CCDC171: variants seen among roughly 807,000 people sequenced by gnomAD.
CCDC171 encodes coiled-coil domain-containing protein 171.
CCDC171 carries 177 observed loss-of-function variants against 168.2 expected under a neutral mutation model. The ratio of observed to expected loss-of-function variants is 1.05; its 90% CI spans 0.93 to 1.19. The LOEUF (loss-of-function observed/expected upper bound fraction) is 1.19, where lower values mean the gene tolerates loss of function less well. CCDC171 is among the 50% of genes most tolerant of loss of function. The pLI is 0.00. For missense variants in CCDC171, 1,991 were observed against 1,539.0 expected (o/e 1.29, Z -4.91); for synonymous variants, 687 against 540.8 (o/e 1.27, Z -3.75).
intron 18 of CCDC171, among the ~76,000 whole-genome samples, chr9:15,759,823 T>C (rs1288519765): frequency 6.6e-6 from 1 of 152,210 alleles, no homozygotes; most frequent in Non-Finnish European, 1.5e-5. Context: ...TAGAGAATGA[T>C]TTTTAATTTC....
intron 25 of CCDC171, among the ~76,000 whole-genome samples, chr9:15,950,055 C>T (rs1349415026): frequency 6.6e-5 from 10 of 151,866 alleles, no homozygotes; most frequent in Admixed American, 1.3e-4. Flanking sequence ...TGAAATGAAG[C>T]GAGAAGGGAA....
intron 2 of CCDC171, among the ~76,000 whole-genome samples, chr9:15,570,734 G>C (rs1000006938): frequency 1.3e-5 from 2 of 152,158 alleles, no homozygotes; most frequent in Non-Finnish European, 2.9e-5. Context: ...CATCGTTCTG[G>C]CAAGAACATT....
intron 21 of CCDC171, among the ~76,000 whole-genome samples, chr9:15,817,441 C>T (rs997921188): frequency 8.5e-6 from 1 of 118,168 alleles, no homozygotes; most frequent in African/African-American, 3.2e-5. Flanking sequence ...ATTCCCTTTC[C>T]TAGTCAAAGA....
chr9:15,744,272 G>C lies in CCDC171; in HGVS notation c.2050-1G>C, dbSNP rs1338299645. 9 of 1,572,588 alleles carry C rather than the reference G, an allele frequency of 5.7e-6. No homozygotes were observed. In the South Asian group the frequency reaches 9.5e-5, roughly 17 times the overall value. Reference sequence around the variant, plus strand: ...AATATATTTTTTGACTTCTTCCATAGAAATTTCAAGAAATTGCTGAAAAAA... The same window carrying C: ...AATATATTTTTTGACTTCTTCCATACAAATTTCAAGAAATTGCTGAAAAAA... On this transcript the variant is annotated splice_acceptor_variant, in intron 16 of 25. Coordinates refer to ENST00000380701, the MANE Select transcript of CCDC171 (RefSeq NM_173550.4). LOFTEE classifies it high-confidence loss of function.
intron 21 of CCDC171, among the ~76,000 whole-genome samples, chr9:15,803,637 C>G (rs2058933708): frequency 6.6e-6 from 1 of 152,002 alleles, no homozygotes; most frequent in Non-Finnish European, 1.5e-5. Context: ...GTTCTTGTAC[C>G]AGTACCATGC....
intron 3 of CCDC171, among the ~76,000 whole-genome samples, chr9:16,005,282 G>C (rs1832663417): frequency 6.6e-6 from 1 of 152,120 alleles, no homozygotes; most frequent in Non-Finnish European, 1.5e-5. Context: ...TTTTCACATA[G>C]CATAGTGTTT....
At chr9:15,770,312 C>T (rs1185284747) in intron 18 of CCDC171, among the ~76,000 whole-genome samples, 1 of 152,256 alleles carries the variant, frequency 6.6e-6, no homozygotes, top group South Asian at 2.1e-4. Context: ...CTATCTTTAT[C>T]TATATTTGAA....
chr9:15,932,316 G>C (rs1404151806), intron 25 of CCDC171, among the ~76,000 whole-genome samples: 1 of 151,706 alleles, frequency 6.6e-6, no homozygotes, highest in Non-Finnish European at 1.5e-5. Context: ...TCAGTATAGA[G>C]ATTTTTCACA....
At chr9:16,095,812 G>A in the CCDC171 span, among the ~76,000 whole-genome samples, 17 of 148,872 alleles carry the variant, frequency 1.1e-4, no homozygotes, top group African/African-American at 4.0e-4. Context: ...CGGTGTTGGA[G>A]TGAGTATACA....
intron 1 of CCDC171, among the ~76,000 whole-genome samples, chr9:16,044,748 C>G (rs1384844163): frequency 6.6e-6 from 1 of 152,094 alleles, no homozygotes; most frequent in Non-Finnish European, 1.5e-5. Context: ...CTGCAATGCT[C>G]CAGAATTGTT....
chr9:15,943,183 T>C lies in CCDC171; in HGVS notation c.3753+22761T>C, dbSNP rs898875958. On this transcript the variant is annotated intron_variant, in intron 25 of 25. Coordinates refer to ENST00000380701, the MANE Select transcript of CCDC171 (RefSeq NM_173550.4). ...AGCTTTGTCTTTATTGTCACTGATATATTTAATTCAGTGATCCTAGTTCGC... is the reference window on the plus strand; with the variant it reads ...AGCTTTGTCTTTATTGTCACTGATACATTTAATTCAGTGATCCTAGTTCGC... Among the ~76,000 whole-genome samples the C allele has an allele frequency of 2.0e-5, 3 of 152,068 alleles. No individual in the cohort carries two copies. The South Asian group carries it at 6.2e-4, about 31-fold the overall frequency.
intron 1 of CCDC171, among the ~76,000 whole-genome samples, chr9:16,059,702 G>C (rs1340928163): frequency 4.7e-5 from 7 of 150,330 alleles, no homozygotes; most frequent in Non-Finnish European, 1.0e-4. Context: ...TTTTAGTAGA[G>C]ACGGGGTTTC....
intron 23 of CCDC171, among the ~76,000 whole-genome samples, chr9:15,872,470 G>A (rs758207696): frequency 6.6e-6 from 1 of 151,884 alleles, no homozygotes; most frequent in Non-Finnish European, 1.5e-5. Context: ...ACTGTGTTGT[G>A]GATTATACTT....
In CCDC171 at chr9:15,797,992, A is replaced by G. The variant is rs151172413; in HGVS notation, c.3267+13298A>G. 5.7e-3 allele frequency among the ~76,000 whole-genome samples: 864 copies of G among 152,128 alleles called. 11 individuals are homozygous for G. Among genetic ancestry groups the G allele is most frequent in the African/African-American group, 0.02 (836 of 41,500 alleles). ...TATTACTGGACTCTGTCTCTGTTTC[A>G]TTGATCTATATGTCTTCCTTTTTGC... is the stretch of plus-strand genomic sequence containing the variant. On this transcript the variant is annotated intron_variant, in intron 21 of 25. Coordinates refer to ENST00000380701, the MANE Select transcript of CCDC171 (RefSeq NM_173550.4).
intron 3 of CCDC171, among the ~76,000 whole-genome samples, chr9:15,993,130 T>C (rs1229235578): frequency 6.6e-6 from 1 of 151,884 alleles, no homozygotes; most frequent in Non-Finnish European, 1.5e-5. Flanking sequence ...AGAGCCCTCA[T>C]TGCCAAATCA....
At chr9:16,078,384 CT>C in the CCDC171 span, among the ~76,000 whole-genome samples, 15 of 152,186 alleles carry the variant, frequency 9.9e-5, no homozygotes, top group East Asian at 7.7e-4. Context: ...CAGAACATTG[CT>C]TATGGTCGGT....
chr9:16,099,409 G>C, the CCDC171 span, among the ~76,000 whole-genome samples: 2 of 152,226 alleles, frequency 1.3e-5, no homozygotes, highest in Non-Finnish European at 2.9e-5. Context: ...GGTGAGCAAG[G>C]CTTCACAAAC....
At chr9:15,924,942 C>T (rs904657239) in intron 25 of CCDC171, among the ~76,000 whole-genome samples, 2 of 151,500 alleles carry the variant, frequency 1.3e-5, no homozygotes, top group African/African-American at 4.8e-5. Flanking sequence ...CCTTTGTTGA[C>T]TCCCAGGCCT....
intron 7 of CCDC171, among the ~76,000 whole-genome samples, chr9:15,635,378 G>GTA (rs994625944): frequency 7.9e-5 from 12 of 151,896 alleles, no homozygotes; most frequent in African/African-American, 2.2e-4. Context: ...TGTTTGTACT[G>GTA]TATATATATA....
Sources: gnomAD v4.1 joint callset for allele counts (sites outside exome capture counted in the v4.1 genomes callset) on GRCh38, gnomAD v4.1.1 for gene constraint, MANE v1.5 for transcripts, NCBI Gene and HGNC (gene_info 2026-07-23, HGNC 2026-07-21) for gene names.